Variants in DAPK1 observed in about 807,000 individuals in gnomAD.
DAPK1 encodes death associated protein kinase 1, also known as death-associated protein kinase 1.
Under a neutral mutation model 144.9 loss-of-function variants are expected in DAPK1, and 56 were observed. The ratio of observed to expected loss-of-function variants is 0.39; its 90% confidence interval spans 0.31 to 0.48. DAPK1 has a LOEUF of 0.48. DAPK1 is among the 20% of genes least tolerant of loss of function. The pLI, the probability that DAPK1 is intolerant of heterozygous loss-of-function variation, is 0.95. For synonymous variants in DAPK1, 690 were observed against 749.0 expected (o/e 0.92, Z 1.29); for missense variants, 1,454 against 1,875.4 (o/e 0.78, Z 4.15).
At chr9:87,628,067 C>T (rs1325622140) in intron 3 of DAPK1, among the ~76,000 whole-genome samples, 1 of 152,216 alleles carries the variant, frequency 6.6e-6, no homozygotes, top group East Asian at 1.9e-4. Context: ...GAGCCATGTT[C>T]TTCCCATAGG....
At chr9:87,580,720 A>G (rs895812294) in intron 2 of DAPK1, among the ~76,000 whole-genome samples, 9 of 152,186 alleles carry the variant, frequency 5.9e-5, no homozygotes, top group Admixed American at 1.3e-4. Context: ...TAAAGCTCCC[A>G]TCGCTTTGGC....
chr9:87,618,296 G>A (rs1051897266), intron 3 of DAPK1, among the ~76,000 whole-genome samples: 1 of 152,212 alleles, frequency 6.6e-6, no homozygotes, highest in African/African-American at 2.4e-5. Context: ...TGTTGGTGGG[G>A]ATATGGAGAA....
chr9:87,524,951 G>A (rs72745802), intron 2 of DAPK1, among the ~76,000 whole-genome samples: 5 of 152,274 alleles, frequency 3.3e-5, no homozygotes, highest in African/African-American at 4.8e-5. Context: ...TTTACTGCTC[G>A]GGTGATGGAT....
rs541061249 is a variant in DAPK1, at chr9:87,523,950, G to A, written c.62+24811G>A. On this transcript the variant is annotated intron_variant, in intron 2 of 25. Transcript: ENST00000408954. ...CACTCTAGGAAAATACAAGCCTTACGGTGTTTATGTTTGCTATATTCAGAA... is the reference window on the plus strand; with the variant it reads ...CACTCTAGGAAAATACAAGCCTTACAGTGTTTATGTTTGCTATATTCAGAA... Among the ~76,000 whole-genome samples, 7 of 152,282 alleles carry A rather than the reference G, an allele frequency of 4.6e-5. No individual in the cohort carries two copies. In the South Asian group the frequency reaches 8.3e-4, roughly 18 times the overall value.
intron 3 of DAPK1, among the ~76,000 whole-genome samples, chr9:87,618,065 C>T (rs1829162993): frequency 6.6e-6 from 1 of 152,218 alleles, no homozygotes; most frequent in Non-Finnish European, 1.5e-5. Flanking sequence ...CTCAAGAATT[C>T]TTCCTGAATT....
intron 24 of DAPK1, chr9:87,702,044 C>T (rs945904003): frequency 3.5e-6 from 1 of 288,994 alleles, no homozygotes; most frequent in South Asian, 3.1e-5. Flanking sequence ...GGGAGTGTCC[C>T]TGGAGATTTT....
chr9:87,580,534 A>C (rs1827716836), intron 2 of DAPK1, among the ~76,000 whole-genome samples: 1 of 152,230 alleles, frequency 6.6e-6, no homozygotes, highest in South Asian at 2.1e-4. Flanking sequence ...ATAGCAGACA[A>C]CACAGTAATG....
At chr9:87,633,020 GTATA>G (rs942116511) in intron 3 of DAPK1, 6 of 980,964 alleles carry the variant, frequency 6.1e-6, no homozygotes, top group Non-Finnish European at 7.3e-6. Context: ...AGAAGGATGA[GTATA>G]TATGTAGGGA....
At chr9:87,673,093 T>C (rs778033323) in intron 19 of DAPK1, among the ~76,000 whole-genome samples, 2 of 152,182 alleles carry the variant, frequency 1.3e-5, no homozygotes, top group Non-Finnish European at 2.9e-5. Flanking sequence ...TGGGAGGCCC[T>C]GTCCTTGCAG....
intron 19 of DAPK1, among the ~76,000 whole-genome samples, chr9:87,680,872 T>C (rs1232845735): frequency 6.6e-6 from 1 of 152,218 alleles, no homozygotes; most frequent in Non-Finnish European, 1.5e-5. Flanking sequence ...ACAGCAGTGA[T>C]GGTCCTGCAG....
At chr9:87,575,987 C>T (rs935869424) in intron 2 of DAPK1, among the ~76,000 whole-genome samples, 4 of 152,300 alleles carry the variant, frequency 2.6e-5, no homozygotes, top group East Asian at 3.9e-4. Context: ...GTGAATGCAG[C>T]GAAGTCCTGA....
At chr9:87,632,500 GA>G in intron 3 of DAPK1, 1 of 979,104 alleles carries the variant, frequency 1.0e-6, no homozygotes, top group Non-Finnish European at 1.2e-6. Context: ...ATGTAGGGAT[GA>G]AGGAAGATGA....
intron 3 of DAPK1, among the ~76,000 whole-genome samples, chr9:87,610,651 C>A (rs941233655): frequency 1.3e-5 from 2 of 152,206 alleles, no homozygotes; most frequent in African/African-American, 4.8e-5. Flanking sequence ...GCTAGGCATA[C>A]AATGTAAATG....
At position 87,639,397 on chromosome 9, in the gene DAPK1, G is replaced by A. The variant is rs780995964; in HGVS notation, c.467G>A (p.Arg156Gln). Residue 156 changes from arginine (R) to glutamine (Q), a missense_variant, in exon 5 of 26, where the codon CGG (arginine) becomes CAG (glutamine). By Grantham distance (43) the Arg-to-Gln change is conservative (BLOSUM62 1). Transcript: ENST00000408954. ...MLLDRNVPKP[R>Q]IKIIDFGLAH... ...TTGGATAGAAATGTCCCCAAACCTCGGATCAAGATCATTGACTTTGGGTTG... is the reference window on the plus strand; with the variant it reads ...TTGGATAGAAATGTCCCCAAACCTCAGATCAAGATCATTGACTTTGGGTTG... 1.9e-5 allele frequency: 30 copies of A among 1,611,424 alleles called. No homozygotes were observed. The highest frequency in any genetic ancestry group is 5.4e-5 in the African/African-American group (4 of 74,488).
At chr9:87,557,465 A>G (rs1826760706) in intron 2 of DAPK1, among the ~76,000 whole-genome samples, 1 of 152,180 alleles carries the variant, frequency 6.6e-6, no homozygotes, top group Admixed American at 6.5e-5. Flanking sequence ...CTCTAAAACC[A>G]TGCCGATTAA....
At position 87,649,931 on chromosome 9, in the gene DAPK1, C is replaced by G. The variant is rs1187652943; in HGVS notation, c.1439C>G (p.Thr480Ser). 5 of 1,613,830 alleles carry G rather than the reference C, an allele frequency of 3.1e-6. No individual in the cohort carries two copies. The African/African-American group carries it at 4.0e-5, about 13-fold the overall frequency. Reference sequence around the variant, plus strand: ...CGTCTCCTTGGCCAGGAAGAAGAAACCCCCCTGCACTGTGCTGCTTGGCAC... The same window carrying G: ...CGTCTCCTTGGCCAGGAAGAAGAAAGCCCCCTGCACTGTGCTGCTTGGCAC... ...NPNIQDKEEE[T>S]PLHCAAWHGY... is the part of the protein sequence containing the mutation. Residue 480 changes from threonine to serine, a missense_variant, in exon 16 of 26, where the codon ACC (threonine) becomes AGC (serine). Physicochemically the swap from Thr to Ser is moderately conservative, Grantham distance 58. Transcript: ENST00000408954.
chr9:87,581,383 T>C (rs1194630108), intron 2 of DAPK1, among the ~76,000 whole-genome samples: 1 of 152,048 alleles, frequency 6.6e-6, no homozygotes, highest in East Asian at 1.9e-4. Context: ...TAAACTCTGG[T>C]TTGCCTGAGT....
chr9:87,670,829 G>T (rs1433590631), intron 19 of DAPK1, among the ~76,000 whole-genome samples: 1 of 152,204 alleles, frequency 6.6e-6, no homozygotes. Context: ...CTGCAGCAAG[G>T]TGACCTGCAA....
intron 2 of DAPK1, among the ~76,000 whole-genome samples, chr9:87,578,505 G>T (rs1167745393): frequency 6.6e-6 from 1 of 152,202 alleles, no homozygotes; most frequent in Non-Finnish European, 1.5e-5. Flanking sequence ...GCTAGAAGTA[G>T]ATGCACTGAG....
Sources: allele counts gnomAD v4.1 joint callset (sites outside exome capture counted in the v4.1 genomes callset), GRCh38; gene constraint gnomAD v4.1.1; transcripts MANE v1.5; gene names NCBI Gene and HGNC (gene_info 2026-07-23, HGNC 2026-07-21).